SLCO3A1: variants seen among roughly 807,000 people sequenced by gnomAD.
SLCO3A1 encodes the protein solute carrier organic anion transporter family member 3A1, also known as PGE1 transporter.
Under a neutral mutation model 63.1 loss-of-function variants are expected in SLCO3A1, and 27 were observed. That is an observed-to-expected ratio of 0.43 (90% CI 0.32 to 0.59). The LOEUF (loss-of-function observed/expected upper bound fraction) is 0.59. SLCO3A1 is among the 20% of genes least tolerant of loss of function. The pLI is 0.09. For missense variants in SLCO3A1, 773 were observed against 945.8 expected, an observed-to-expected ratio of 0.82 and a Z score of 2.40; for synonymous variants, 473 against 409.9, an observed-to-expected ratio of 1.15 and a Z score of -1.86.
At position 92,128,413 on chromosome 15, in the gene SLCO3A1, C is replaced by G; in HGVS notation, c.1436C>G (p.Thr479Ser). ...SPCNNNCECQ[T>S]DSFTPVCGAD... is the part of the protein sequence containing the mutation. ...TGCAATAATAACTGTGAATGCCAAA[C>G]CGATTCCTTCACTCCAGTGTGTGGG... Residue 479 changes from threonine (T) to serine (S), a missense_variant, in exon 7 of 10, where the codon ACC (threonine) becomes AGC (serine). Physicochemically the swap from Thr to Ser is moderately conservative, Grantham distance 58 (BLOSUM62 1). This residue lies in a region of SLCO3A1 where 565 missense variants were observed against 749.8 expected (regional missense o/e 0.75). Transcript: ENST00000318445. 1 of 1,614,164 alleles carries G rather than the reference C, an allele frequency of 6.2e-7. No individual in the cohort carries two copies. The highest frequency in any genetic ancestry group is 8.5e-7 in the Non-Finnish European group (1 of 1,180,022).
At chr15:91,944,892 G>C (rs535454212) in intron 2 of SLCO3A1, among the ~76,000 whole-genome samples, 4 of 152,186 alleles carry the variant, frequency 2.6e-5, no homozygotes, top group African/African-American at 9.6e-5. Context: ...GCTTTCTGTA[G>C]TACATGTTAA....
chr15:91,960,991 C>T (rs1255123786), intron 2 of SLCO3A1, among the ~76,000 whole-genome samples: 1 of 152,182 alleles, frequency 6.6e-6, no homozygotes, highest in African/African-American at 2.4e-5. Flanking sequence ...CTCTGTCAGA[C>T]CATAGTCTGC....
In SLCO3A1 at chr15:91,894,936, C is replaced by G. The variant is rs971572889; in HGVS notation, c.181-21057C>G. ...CAAGGTTGAGTCTGTTGTTCCTAATCCATACCTGCATCCTGGACTTGTGGC... is the reference window on the plus strand; with the variant it reads ...CAAGGTTGAGTCTGTTGTTCCTAATGCATACCTGCATCCTGGACTTGTGGC... On this transcript the variant is annotated intron_variant, in intron 1 of 9. Coordinates refer to ENST00000318445, the MANE Select transcript of SLCO3A1 (RefSeq NM_013272.4). This position sits in a 1 kb window ranked among gnomAD's most constrained non-coding sequence, Gnocchi z 4.8. 3.3e-5 allele frequency among the ~76,000 whole-genome samples: 5 copies of G among 152,220 alleles called. No individual in the cohort carries two copies. The highest frequency in any genetic ancestry group is 7.3e-5 in the Non-Finnish European group (5 of 68,050).
chr15:91,866,124 C>T (rs1307091090), intron 1 of SLCO3A1, among the ~76,000 whole-genome samples: 2 of 152,092 alleles, frequency 1.3e-5, no homozygotes, highest in East Asian at 3.9e-4. Flanking sequence ...TTGGATGATT[C>T]GTTAGCTTCA....
intron 2 of SLCO3A1, among the ~76,000 whole-genome samples, chr15:91,974,470 G>A (rs186911877): frequency 6.6e-5 from 10 of 152,184 alleles, no homozygotes; most frequent in Non-Finnish European, 1.3e-4. Flanking sequence ...AAACAGAGGA[G>A]GGTGAAGGTT....
chr15:91,896,856 A>C (rs150170184), intron 1 of SLCO3A1, among the ~76,000 whole-genome samples: 21 of 152,366 alleles, frequency 1.4e-4, no homozygotes, highest in Middle Eastern at 3.4e-3. Context: ...TCATCAGGAC[A>C]TGCTGTATCT....
At chr15:91,927,538 CCCTCTATTTTAT>C (rs1899073286) in intron 2 of SLCO3A1, among the ~76,000 whole-genome samples, 1 of 152,040 alleles carries the variant, frequency 6.6e-6, no homozygotes, top group African/African-American at 2.4e-5. Flanking sequence ...ATTTGAGAAA[CCCTCTATTTTAT>C]ACCACGGCCT....
At chr15:92,076,106 A>G (rs981190796) in intron 2 of SLCO3A1, among the ~76,000 whole-genome samples, 16 of 152,228 alleles carry the variant, frequency 1.1e-4, no homozygotes, top group Non-Finnish European at 2.1e-4. Context: ...AAATCAGCCG[A>G]CTGTCATGTC....
chr15:92,000,170 A>C (rs1397724529), intron 2 of SLCO3A1, among the ~76,000 whole-genome samples: 1 of 152,198 alleles, frequency 6.6e-6, no homozygotes, highest in African/African-American at 2.4e-5. Flanking sequence ...ATATGATTTT[A>C]TATATGATTT....
rs1450653245 is a variant in SLCO3A1, at chr15:92,092,747, C to T, written c.647-2134C>T. ...AGAGCCCCCTAATTCTAGCCCATTC[C>T]GAAAGATCTTTTCCAGTAACATCCC... is the stretch of plus-strand genomic sequence containing the variant. On this transcript the variant is annotated intron_variant, in intron 2 of 9. Coordinates refer to ENST00000318445, the MANE Select transcript of SLCO3A1 (RefSeq NM_013272.4). 2.0e-5 allele frequency among the ~76,000 whole-genome samples: 3 copies of T among 152,142 alleles called. No homozygotes were observed. The South Asian group carries it at 6.2e-4, about 32-fold the overall frequency.
intron 2 of SLCO3A1, among the ~76,000 whole-genome samples, chr15:92,055,445 G>A (rs1017997109): frequency 6.6e-6 from 1 of 152,144 alleles, no homozygotes; most frequent in Admixed American, 6.5e-5. Flanking sequence ...AACTTCTTTA[G>A]TTTAATTAGA....
At position 91,857,176 on chromosome 15, in the gene SLCO3A1, CTG is replaced by C. The variant is rs571146456; in HGVS notation, c.180+3090_180+3091del. On this transcript the variant is annotated intron_variant, in intron 1 of 9. Transcript: ENST00000318445. ...CCCAGGGAGGAAACTCAAAGGAAAA[CTG>C]TATTGTATATAAGGCCATCAATTGT... Among the ~76,000 whole-genome samples the C allele has an allele frequency of 5.9e-5, 9 of 151,808 alleles. No homozygotes were observed. In the East Asian group the frequency reaches 1.4e-3, roughly 23 times the overall value.
At chr15:91,982,389 G>A (rs563637981) in intron 2 of SLCO3A1, among the ~76,000 whole-genome samples, 3 of 152,346 alleles carry the variant, frequency 2.0e-5, no homozygotes, top group Non-Finnish European at 2.9e-5. Context: ...AGTTTCTTTC[G>A]ACAAATCTGC....
chr15:91,902,093 A>G (rs541601837), intron 1 of SLCO3A1, among the ~76,000 whole-genome samples: 2 of 151,624 alleles, frequency 1.3e-5, no homozygotes, highest in African/African-American at 4.8e-5. Context: ...GACATCTCAT[A>G]TCTGATATCA....
Position 91,993,732 on chromosome 15 carries a change from A to G in SLCO3A1, c.646+77274A>G, listed in dbSNP as rs534866603. 2.0e-5 allele frequency among the ~76,000 whole-genome samples: 3 copies of G among 152,286 alleles called. No individual in the cohort carries two copies. The South Asian group carries it at 6.2e-4, about 32-fold the overall frequency. On this transcript the variant is annotated intron_variant, in intron 2 of 9. Coordinates refer to ENST00000318445, the MANE Select transcript of SLCO3A1 (RefSeq NM_013272.4). ...TGTTTGGTCCTCTCCCATAATGAAT[A>G]AGGCTGACCTGTATAACCAATAAGA...
chr15:91,953,619 T>C (rs1329604244), intron 2 of SLCO3A1, among the ~76,000 whole-genome samples: 1 of 152,166 alleles, frequency 6.6e-6, no homozygotes, highest in South Asian at 2.1e-4. Context: ...CCTGGTATGA[T>C]GGAGGCAGTT....
intron 7 of SLCO3A1, among the ~76,000 whole-genome samples, chr15:92,134,186 T>C (rs1405311568): frequency 6.6e-6 from 1 of 152,218 alleles, no homozygotes; most frequent in Non-Finnish European, 1.5e-5. Context: ...TTTAAGTGTA[T>C]GTTTCCTGTC....
In SLCO3A1 at chr15:92,113,795, G is replaced by A. The variant is rs568120874; in HGVS notation, c.1010-6670G>A. 2.0e-5 allele frequency among the ~76,000 whole-genome samples: 3 copies of A among 152,328 alleles called. No individual in the cohort carries two copies. The East Asian group carries it at 5.8e-4, about 29-fold the overall frequency. On this transcript the variant is annotated intron_variant, in intron 4 of 9. Coordinates refer to ENST00000318445, the MANE Select transcript of SLCO3A1 (RefSeq NM_013272.4). ...TGGGCTTTCCTCTACCCCTACGCAA[G>A]GGAATGGCTTAGACACCTCCAGAAT...
intron 2 of SLCO3A1, among the ~76,000 whole-genome samples, chr15:92,064,375 T>C (rs7181950): frequency 0.77 from 117,608 of 152,194 alleles, 45,720 homozygotes; most frequent in Admixed American, 0.87. Context: ...CACATATTCT[T>C]TCCCATTCCA....
Sources: gnomAD v4.1 joint callset for allele counts (sites outside exome capture counted in the v4.1 genomes callset) on GRCh38, gnomAD v4.1.1 for gene constraint, gnomAD v4.1.1 regional missense constraint, Gnocchi (gnomAD v3.1) non-coding constraint, MANE v1.5 for transcripts, NCBI Gene and HGNC (gene_info 2026-07-23, HGNC 2026-07-21) for gene names.